FGF10: variants seen among roughly 807,000 people sequenced by gnomAD.
The protein encoded by FGF10 is fibroblast growth factor 10.
In FGF10, 2 loss-of-function variants were observed where a neutral mutation model predicts 19.8. The ratio of observed to expected loss-of-function variants is 0.10; its 90% confidence interval spans 0.04 to 0.32. The LOEUF (loss-of-function observed/expected upper bound fraction) is 0.32, where lower values mean the gene tolerates loss of function less well. FGF10 is among the 10% of genes least tolerant of loss of function. FGF10 has a pLI of 1.00. For synonymous variants in FGF10, 112 were observed against 94.0 expected (o/e 1.19, Z -1.10); for missense variants, 191 against 246.3 (o/e 0.78, Z 1.50).
chr5:44,377,495 CT>C (rs1383144938), intron 1 of FGF10, among the ~76,000 whole-genome samples: 24 of 152,160 alleles, frequency 1.6e-4, no homozygotes, highest in Non-Finnish European at 1.9e-4. Context: ...TTAAGAATTA[CT>C]TTTCTTTGTT....
At chr5:44,307,474 AG>A (rs17234583) in intron 2 of FGF10, among the ~76,000 whole-genome samples, 2,688 of 152,284 alleles carry the variant, frequency 0.018, 60 homozygotes, top group African/African-American at 0.056. Flanking sequence ...CCCATCAGTC[AG>A]GAGAAAACTC....
intron 1 of FGF10, among the ~76,000 whole-genome samples, chr5:44,368,791 G>C (rs984109035): frequency 2.6e-5 from 4 of 151,884 alleles, no homozygotes; most frequent in Admixed American, 2.6e-4. Flanking sequence ...TCAGACTCTC[G>C]AGTAGCTAGG....
intron 1 of FGF10, among the ~76,000 whole-genome samples, chr5:44,384,850 C>T (rs983291714): frequency 6.6e-6 from 1 of 151,980 alleles, no homozygotes; most frequent in Non-Finnish European, 1.5e-5. Flanking sequence ...TTGTGAGTTT[C>T]CCTTTTTGGA....
intron 1 of FGF10, among the ~76,000 whole-genome samples, chr5:44,349,453 T>TCAAAATATATATATATATCAGA (rs1308211947): frequency 4.3e-5 from 1 of 23,060 alleles, no homozygotes; most frequent in Non-Finnish European, 9.2e-5. Flanking sequence ...TATATATATA[T>TCAAAATATATATATATATCAGA]ATATATATAT....
chr5:44,315,705 C>A (rs12332431), intron 1 of FGF10, among the ~76,000 whole-genome samples: 18,309 of 152,042 alleles, frequency 0.12, 2,721 homozygotes, highest in African/African-American at 0.34. Context: ...AAATACTAAC[C>A]TCTCTAAATG....
chr5:44,315,219 T>A (rs1030700542), intron 1 of FGF10, among the ~76,000 whole-genome samples: 5 of 148,874 alleles, frequency 3.4e-5, no homozygotes, highest in African/African-American at 7.4e-5. Context: ...ATATATTAAG[T>A]GTGGTATGAG....
chr5:44,347,125 T>C (rs1328648082), intron 1 of FGF10, among the ~76,000 whole-genome samples: 1 of 151,700 alleles, frequency 6.6e-6, no homozygotes, highest in African/African-American at 2.4e-5. Flanking sequence ...TAAATATTTG[T>C]AGAAAAAAAT....
chr5:44,308,009 AT>A (rs996850737), intron 2 of FGF10, among the ~76,000 whole-genome samples: 7 of 152,234 alleles, frequency 4.6e-5, no homozygotes, highest in African/African-American at 1.7e-4. Flanking sequence ...TGCTGAACAA[AT>A]AGTGGGGGAC....
At chr5:44,371,779 AG>A (rs1741747813) in intron 1 of FGF10, among the ~76,000 whole-genome samples, 1 of 152,192 alleles carries the variant, frequency 6.6e-6, no homozygotes, top group African/African-American at 2.4e-5. Context: ...CTAAAATTTG[AG>A]GTTCCATTAT....
intron 1 of FGF10, among the ~76,000 whole-genome samples, chr5:44,319,794 G>T (rs757554319): frequency 2.0e-5 from 3 of 152,132 alleles, no homozygotes; most frequent in Non-Finnish European, 4.4e-5. Context: ...TTGACAAATG[G>T]CAACATTGAT....
intron 1 of FGF10, among the ~76,000 whole-genome samples, chr5:44,368,904 G>A (rs549623916): frequency 1.3e-5 from 2 of 152,200 alleles, no homozygotes; most frequent in South Asian, 2.1e-4. Flanking sequence ...CTGGGCTGAA[G>A]CAATCCTCCT....
At chr5:44,376,518 C>CAAAAAAAAAAAAAAAAAAAAA (rs1265124775) in intron 1 of FGF10, among the ~76,000 whole-genome samples, 1 of 72,694 alleles carries the variant, frequency 1.4e-5, no homozygotes, top group Non-Finnish European at 2.7e-5. Context: ...AAAAAAAAAA[C>CAAAAAAAAAAAAAAAAAAAAA]AAAAAACCCA....
intron 1 of FGF10, among the ~76,000 whole-genome samples, chr5:44,366,127 CTTTTT>C (rs35522683): frequency 8.0e-5 from 6 of 74,824 alleles, no homozygotes; most frequent in East Asian, 4.6e-4. Context: ...CAATTATTTC[CTTTTT>C]TTTTTTTTTT....
intron 1 of FGF10, among the ~76,000 whole-genome samples, chr5:44,326,682 C>T (rs1740622385): frequency 6.6e-6 from 1 of 151,908 alleles, no homozygotes. Flanking sequence ...GTGTTGAGAC[C>T]ACCCTTAGTT....
intron 1 of FGF10, among the ~76,000 whole-genome samples, chr5:44,372,895 G>A (rs1339051344): frequency 6.6e-6 from 1 of 152,204 alleles, no homozygotes; most frequent in Non-Finnish European, 1.5e-5. Flanking sequence ...TCCTGCCTCA[G>A]GGCACATGGC....
At chr5:44,313,601 TA>T (rs1484001294) in intron 1 of FGF10, among the ~76,000 whole-genome samples, 1 of 150,444 alleles carries the variant, frequency 6.6e-6, no homozygotes, top group Non-Finnish European at 1.5e-5. Flanking sequence ...TTTTTTTTTT[TA>T]ACTCAAAGAA....
intron 1 of FGF10, among the ~76,000 whole-genome samples, chr5:44,358,604 A>T (rs957600091): frequency 1.3e-5 from 2 of 151,508 alleles, no homozygotes; most frequent in Non-Finnish European, 3.0e-5. Flanking sequence ...ACTGATGTGG[A>T]TTGTACTGAA....
chr5:44,376,020 A>T (rs543213232), intron 1 of FGF10, among the ~76,000 whole-genome samples: 3 of 152,196 alleles, frequency 2.0e-5, no homozygotes, highest in East Asian at 3.9e-4. Context: ...TGATTTAGGG[A>T]ATTTTTCACA....
chr5:44,370,489 C>T (rs1741719373), intron 1 of FGF10, among the ~76,000 whole-genome samples: 1 of 152,038 alleles, frequency 6.6e-6, no homozygotes, highest in African/African-American at 2.4e-5. Flanking sequence ...TGCACTGGAG[C>T]CCCATTCCTA....
Sources: gnomAD v4.1 joint callset for allele counts (sites outside exome capture counted in the v4.1 genomes callset) on GRCh38, gnomAD v4.1.1 for gene constraint, MANE v1.5 for transcripts, NCBI Gene and HGNC (gene_info 2026-07-23, HGNC 2026-07-21) for gene names.